MTPAP: variants seen among roughly 807,000 people sequenced by gnomAD.
The protein encoded by MTPAP is mitochondrial poly(A) polymerase.
MTPAP carries 23 observed loss-of-function variants against 48.7 expected under a neutral mutation model. The observed-to-expected ratio is 0.47, with a 90% CI of 0.34 to 0.67. MTPAP has a LOEUF of 0.67. MTPAP is among the 30% of genes least tolerant of loss of function. The pLI is 0.01. For synonymous variants in MTPAP, 257 were observed against 254.1 expected, an observed-to-expected ratio of 1.01 and a Z score of -0.11; for missense variants, 614 against 694.3, an observed-to-expected ratio of 0.88 and a Z score of 1.30.
chr10:30,327,570 G>A (rs1044570293), intron 4 of MTPAP, among the ~76,000 whole-genome samples: 1 of 151,626 alleles, frequency 6.6e-6, no homozygotes, highest in Non-Finnish European at 1.5e-5. Context: ...AATTCCCTGA[G>A]CATGGTGGCT....
chr10:30,349,111 G>A lies in MTPAP; in HGVS notation c.157+8C>T. The A allele has an allele frequency of 6.2e-7, 1 of 1,613,506 alleles. No individual in the cohort carries two copies. Among genetic ancestry groups the A allele is most frequent in the South Asian group, 1.1e-5 (1 of 91,052 alleles). On this transcript the variant is annotated splice_region_variant and intron_variant, in intron 1 of 8. Coordinates refer to ENST00000263063, the MANE Select transcript of MTPAP (RefSeq NM_018109.4). Reference sequence around the variant, plus strand: ...GGACGGAACTACAGGGCAAACCGGCGCCATCACCTGTCTCCACGCTCCCTG... The same window carrying A: ...GGACGGAACTACAGGGCAAACCGGCACCATCACCTGTCTCCACGCTCCCTG...
rs115491062 is a variant in MTPAP at position 30,336,773 on chromosome 10, G to A, written c.780+30C>T. On this transcript the variant is annotated intron_variant, in intron 4 of 8. Transcript: ENST00000263063. ...TTTTTATACTTTCTTAACTTTACAT[G>A]ATTATAGTGGTCAAAAGAAATAGAC... 486 of 1,496,048 alleles carry A rather than the reference G, an allele frequency of 3.2e-4. 2 individuals are homozygous for A. The African/African-American group carries it at 6.2e-3, about 19-fold the overall frequency. 92.7% of individuals were successfully genotyped at this position (1,496,048 alleles called of 1,614,324 possible).
intron 6 of MTPAP, among the ~76,000 whole-genome samples, chr10:30,317,647 C>T (rs747352259): frequency 2.6e-5 from 4 of 152,172 alleles, no homozygotes; most frequent in Admixed American, 6.5e-5. Context: ...TAATTCCAAA[C>T]TGGTTTTCCA....
In MTPAP at chr10:30,340,400, C is replaced by T. The variant is rs779918022; in HGVS notation, c.381G>A (p.Leu127=). 1 of 1,614,156 alleles carries T rather than the reference C, an allele frequency of 6.2e-7. No individual in the cohort carries two copies. Among genetic ancestry groups the T allele is most frequent in the South Asian group, 1.1e-5 (1 of 91,086 alleles). ...EFCQKESIGS[L]QNGTHTPSTA... ...TGCTTGGAGTATGAGTCCCATTCTG[C>T]AGTGAACCTATGCTTTCCTTTTGGC... The change falls in exon 3 of 9, where the codon CTG becomes CTA. Residue 127 remains leucine, a synonymous_variant. Coordinates refer to ENST00000263063, the MANE Select transcript of MTPAP (RefSeq NM_018109.4).
At chr10:30,331,743 T>C (rs1311659190) in intron 4 of MTPAP, among the ~76,000 whole-genome samples, 2 of 152,352 alleles carry the variant, frequency 1.3e-5, no homozygotes, top group East Asian at 3.9e-4. Context: ...ATTTTTGTTA[T>C]CTTTGTAGAG....
At chr10:30,322,266 TA>T (rs768853197) in intron 6 of MTPAP, 124 bp downstream of exon 6, 32 of 860,498 alleles carry the variant, frequency 3.7e-5, no homozygotes, top group Admixed American at 8.4e-5. Context: ...CGGTAGACTT[TA>T]AAAAAAAGTC....
At chr10:30,327,553 T>G (rs1365807707) in intron 4 of MTPAP, among the ~76,000 whole-genome samples, 1 of 147,542 alleles carries the variant, frequency 6.8e-6, no homozygotes, top group Non-Finnish European at 1.5e-5. Context: ...TTACTAAAAC[T>G]CAAGTAAATT....
rs1834737506 is a variant in MTPAP, at chr10:30,337,002, AAG to A, written c.579_580del (p.Leu194GlufsTer11). ...CTCCTCTGTTAGCTGGAACTCCTTC[AAG>A]AGAGTGTTCAGCTGATCGTCTATCT... On this transcript the variant is annotated frameshift_variant, in exon 4 of 9. Coordinates refer to ENST00000263063, the MANE Select transcript of MTPAP (RefSeq NM_018109.4). LOFTEE classifies it high-confidence loss of function. 1.2e-6 allele frequency: 2 copies of A among 1,613,374 alleles called. No homozygotes were observed. The highest frequency in any genetic ancestry group is 1.1e-5 in the South Asian group (1 of 91,042).
chr10:30,320,019 G>A (rs571293480), intron 6 of MTPAP, among the ~76,000 whole-genome samples: 17 of 152,306 alleles, frequency 1.1e-4, no homozygotes, highest in African/African-American at 4.1e-4. Flanking sequence ...CCAGCACTTG[G>A]GGAGGCTGAG....
chr10:30,321,436 A>G (rs4749552), intron 6 of MTPAP, among the ~76,000 whole-genome samples: 17,270 of 152,114 alleles, frequency 0.11, 1,817 homozygotes, highest in East Asian at 0.52. Flanking sequence ...CACTTCTAAT[A>G]TGGATAAAGG....
At chr10:30,327,565 C>T (rs908000013) in intron 4 of MTPAP, among the ~76,000 whole-genome samples, 13 of 149,472 alleles carry the variant, frequency 8.7e-5, no homozygotes, top group Middle Eastern at 3.5e-3. Flanking sequence ...AAGTAAATTC[C>T]CTGAGCATGG....
intron 1 of MTPAP, among the ~76,000 whole-genome samples, chr10:30,342,108 C>T (rs143848907): frequency 0.017 from 2,626 of 152,032 alleles, 30 homozygotes; most frequent in Non-Finnish European, 0.027. Flanking sequence ...TGGTGGCGCG[C>T]GCCTGTAGTC....
At chr10:30,344,999 C>T (rs1002312229) in intron 1 of MTPAP, among the ~76,000 whole-genome samples, 3 of 152,156 alleles carry the variant, frequency 2.0e-5, no homozygotes, top group East Asian at 1.9e-4. Context: ...CCATGGCGCC[C>T]GGCCCAAACA....
At chr10:30,347,620 G>A (rs1056796493) in intron 1 of MTPAP, among the ~76,000 whole-genome samples, 14 of 152,176 alleles carry the variant, frequency 9.2e-5, no homozygotes, top group African/African-American at 3.1e-4. Context: ...GGCTGGGCGC[G>A]GTGGCTCACG....
At position 30,349,006 on chromosome 10, in the gene MTPAP, C is replaced by G; in HGVS notation, c.157+113G>C. 2.7e-6 allele frequency: 4 copies of G among 1,498,074 alleles called. No individual in the cohort carries two copies. The South Asian group carries it at 3.4e-5, about 13-fold the overall frequency. 92.8% of individuals were successfully genotyped at this position (1,498,074 alleles called of 1,614,324 possible). On this transcript the variant is annotated intron_variant, in intron 1 of 8. Coordinates refer to ENST00000263063, the MANE Select transcript of MTPAP (RefSeq NM_018109.4). ...GGAGAGGAGAGGACAGGACACAGCC[C>G]CACCCTCTTGCCAAAGGGTCCACAG... is the stretch of plus-strand genomic sequence containing the variant.
intron 4 of MTPAP, among the ~76,000 whole-genome samples, chr10:30,335,881 C>T (rs1289078368): frequency 1.3e-5 from 2 of 151,788 alleles, no homozygotes; most frequent in Non-Finnish European, 2.9e-5. Context: ...TGGTAGCAGG[C>T]GCCTGTAATC....
In MTPAP at chr10:30,338,385, TAA is replaced by T. The variant is rs773004231; in HGVS notation, c.556-1360_556-1359del. ...AACTAAGCATTCAACTCAAAAATAA[TAA>T]AAGAGGCCGGGCTCGGTGGCTCATG... On this transcript the variant is annotated intron_variant, in intron 3 of 8. Coordinates refer to ENST00000263063, the MANE Select transcript of MTPAP (RefSeq NM_018109.4). Among the ~76,000 whole-genome samples the T allele has an allele frequency of 7.2e-5, 11 of 151,884 alleles. No individual in the cohort carries two copies. The South Asian group carries it at 1.5e-3, about 20-fold the overall frequency.
At chr10:30,339,445 T>C (rs1834772331) in intron 3 of MTPAP, among the ~76,000 whole-genome samples, 1 of 135,162 alleles carries the variant, frequency 7.4e-6, no homozygotes, top group East Asian at 2.2e-4. Flanking sequence ...ATCATGCCAC[T>C]GCACTCCAGC....
rs57252656 is a variant in MTPAP, at chr10:30,331,550, A to G, written c.781-4915T>C. Among the ~76,000 whole-genome samples the G allele has an allele frequency of 3.9e-3, 587 of 152,352 alleles. 1 individual carries two copies. Among genetic ancestry groups the G allele is most frequent in the African/African-American group, 0.013 (556 of 41,578 alleles). On this transcript the variant is annotated intron_variant, in intron 4 of 8. Transcript: ENST00000263063. ...ACACACTAAAAAATTTATGAACATTAAAATCTACATTTCAGTTAGTAAATA... is the reference window on the plus strand; with the variant it reads ...ACACACTAAAAAATTTATGAACATTGAAATCTACATTTCAGTTAGTAAATA...
Sources: allele counts gnomAD v4.1 joint callset (sites outside exome capture counted in the v4.1 genomes callset), GRCh38; gene constraint gnomAD v4.1.1; transcripts MANE v1.5; gene names NCBI Gene and HGNC (gene_info 2026-07-23, HGNC 2026-07-21).